Variants in TMEM63A observed in about 807,000 individuals in gnomAD.
The protein encoded by TMEM63A is mechanosensitive cation channel TMEM63A.
A neutral mutation model predicts 100.6 loss-of-function variants in TMEM63A; 76 were observed. The ratio of observed to expected loss-of-function variants is 0.76; its 90% CI spans 0.63 to 0.91. The LOEUF (loss-of-function observed/expected upper bound fraction) is 0.91. Ranked by LOEUF, TMEM63A falls within the 40% of genes least tolerant of loss-of-function variation. TMEM63A has a pLI of 0.00. For synonymous variants in TMEM63A, 401 were observed against 401.1 expected (o/e 1.00, Z 0.00); for missense variants, 876 against 1,008.8 (o/e 0.87, Z 1.78).
At chr1:225,844,216 AG>A (rs1291094371), downstream of TMEM63A, among the ~76,000 whole-genome samples, 9 of 149,510 alleles carry the variant, frequency 6.0e-5, no homozygotes, top group Admixed American at 5.3e-4. Context: ...GAGGGGAGGG[AG>A]GAGAGGTCAG....
intron 1 of TMEM63A, among the ~76,000 whole-genome samples, chr1:225,879,914 C>G (rs1671005294): frequency 1.3e-5 from 2 of 152,204 alleles, no homozygotes; most frequent in Admixed American, 6.5e-5. Flanking sequence ...AAAATGCTCA[C>G]AGAGAGAGCA....
Position 225,867,067 on chromosome 1 carries a change from T to C in TMEM63A, c.566+45A>G. Reference sequence around the variant, plus strand: ...CCCGGGCTCCTGACCTGCCTTCTCCTTGATCTCACCCATCAGCACCTATCC... The same window carrying C: ...CCCGGGCTCCTGACCTGCCTTCTCCCTGATCTCACCCATCAGCACCTATCC... On this transcript the variant is annotated intron_variant, in intron 8 of 24. Transcript: ENST00000366835. This position sits in a 1 kb window ranked among gnomAD's most constrained non-coding sequence, Gnocchi z 4.6. 7 of 1,610,840 alleles carry C rather than the reference T, an allele frequency of 4.3e-6. No homozygotes were observed. The highest frequency in any genetic ancestry group is 5.9e-6 in the Non-Finnish European group (7 of 1,177,004).
chr1:225,858,356 G>A (rs958878262), intron 15 of TMEM63A, among the ~76,000 whole-genome samples: 40 of 128,826 alleles, frequency 3.1e-4, no homozygotes, highest in African/African-American at 1.2e-4. Context: ...ATGGAGTTTC[G>A]CTCTTGTCGC....
At chr1:225,869,669 T>TTCTTTTC (rs796211870) in intron 6 of TMEM63A, among the ~76,000 whole-genome samples, 2 of 135,754 alleles carry the variant, frequency 1.5e-5, no homozygotes, top group African/African-American at 2.8e-5. Context: ...TTCTTTTCTT[T>TTCTTTTC]TTTTTTTTTT....
intron 9 of TMEM63A, chr1:225,866,327 A>G (rs1368884361): frequency 5.7e-6 from 3 of 526,242 alleles, no homozygotes; most frequent in Admixed American, 3.2e-5. Flanking sequence ...GCAAAGAGAA[A>G]GGGCTGCTCT....
intron 1 of TMEM63A, among the ~76,000 whole-genome samples, chr1:225,880,114 T>C (rs1295544453): frequency 2.0e-5 from 3 of 152,148 alleles, no homozygotes; most frequent in Non-Finnish European, 4.4e-5. Context: ...TTGACAAAGT[T>C]TGATATGAAC....
intron 6 of TMEM63A, among the ~76,000 whole-genome samples, chr1:225,868,314 G>A (rs374527445): frequency 1.3e-5 from 2 of 152,070 alleles, no homozygotes; most frequent in East Asian, 1.9e-4. Context: ...CCCAAGTTAC[G>A]TGTGTGGGAA....
intron 3 of TMEM63A, 37 bp from the exon 4 acceptor site, chr1:225,874,404 G>A: frequency 1.3e-6 from 2 of 1,582,216 alleles, no homozygotes; most frequent in South Asian, 1.1e-5. Flanking sequence ...AAGCATATTG[G>A]ATGGCTTCTC....
At chr1:225,842,744 G>A (rs1668536009), downstream of TMEM63A, among the ~76,000 whole-genome samples, 1 of 152,230 alleles carries the variant, frequency 6.6e-6, no homozygotes. Context: ...CCCCTCTGGG[G>A]ATTAGGGAGC....
At chr1:225,878,921 CACGAAGCACAG>C (rs1228567769) in intron 2 of TMEM63A, among the ~76,000 whole-genome samples, 1 of 143,064 alleles carries the variant, frequency 7.0e-6, no homozygotes, top group Non-Finnish European at 1.5e-5. Context: ...CACACACACA[CACGAAGCACAG>C]GAAGCATGAA....
Position 225,848,698 on chromosome 1 carries a change from G to C in TMEM63A, c.2188-144C>G. 5.2e-6 allele frequency: 5 copies of C among 958,180 alleles called. No homozygotes were observed. In the South Asian group the frequency reaches 7.7e-5, roughly 15 times the overall value. 59.4% of individuals were successfully genotyped at this position (958,180 alleles called of 1,614,324 possible). On this transcript the variant is annotated intron_variant, in intron 22 of 24. Transcript: ENST00000366835. ...CCAGCAGCCCGAGAGAGGATGGGGT[G>C]GGGGAGTGCAGGGATGAGGGGAGGA...
intron 1 of TMEM63A, among the ~76,000 whole-genome samples, chr1:225,879,997 G>A (rs1671010518): frequency 6.7e-6 from 1 of 148,570 alleles, no homozygotes; most frequent in Non-Finnish European, 1.5e-5. Context: ...GCAGAGGAGA[G>A]AGGCCTCTGC....
chr1:225,879,525 T>C (rs576026147), intron 1 of TMEM63A, 115 bp from the exon 2 acceptor site: 2 of 152,768 alleles, frequency 1.3e-5, no homozygotes, highest in East Asian at 1.9e-4. Context: ...TATGGACCTT[T>C]AGGTTCTGCC....
At chr1:225,858,168 A>C (rs866856633) in intron 15 of TMEM63A, among the ~76,000 whole-genome samples, 7 of 152,338 alleles carry the variant, frequency 4.6e-5, no homozygotes, top group African/African-American at 1.7e-4. Context: ...ATTTAAAAAG[A>C]AAAATAATCT....
downstream of TMEM63A, among the ~76,000 whole-genome samples, chr1:225,841,626 G>A (rs536993782): frequency 8.8e-5 from 9 of 101,810 alleles, no homozygotes; most frequent in Admixed American, 5.5e-4. Flanking sequence ...TTTTGAGACA[G>A]AGTCTTGCTC....
At chr1:225,848,384 T>A in intron 23 of TMEM63A, 108 bp downstream of exon 23, 1 of 1,195,840 alleles carries the variant, frequency 8.4e-7, no homozygotes, top group Non-Finnish European at 1.2e-6. Context: ...TGCCATGTGA[T>A]CTTAGCAAGA....
rs766346141 is a variant in TMEM63A, at chr1:225,848,960, G to C, written c.2124C>G (p.Ile708Met). The change falls in exon 22 of 25, where the codon ATC becomes ATG. Residue 708 changes from isoleucine to methionine, a missense_variant. By Grantham distance (10) the Ile-to-Met change is conservative. Coordinates refer to ENST00000366835, the MANE Select transcript of TMEM63A (RefSeq NM_014698.3). ...LFTFLVLLLT[I>M]LVCLAHTCFG... Reference sequence around the variant, plus strand: ...AGCAGGTGTGAGCCAGGCAGACCAGGATGGTGAGCAGCAGCACCAGGAAGG... The same window carrying C: ...AGCAGGTGTGAGCCAGGCAGACCAGCATGGTGAGCAGCAGCACCAGGAAGG... 6.3e-7 allele frequency: 1 copy of C among 1,588,546 alleles called. No individual in the cohort carries two copies. Among genetic ancestry groups the C allele is most frequent in the Admixed American group, 1.7e-5 (1 of 57,648 alleles).
chr1:225,854,168 G>A lies in TMEM63A; in HGVS notation c.1635-377C>T, dbSNP rs146130713. Among the ~76,000 whole-genome samples, 7 of 152,250 alleles carry A rather than the reference G, an allele frequency of 4.6e-5. No homozygotes were observed. In the East Asian group the frequency reaches 1.4e-3, roughly 29 times the overall value. On this transcript the variant is annotated intron_variant, in intron 18 of 24. Coordinates refer to ENST00000366835, the MANE Select transcript of TMEM63A (RefSeq NM_014698.3). ...TGCAGAAATGTGAAGAGGTGAAGGA[G>A]CAAGTCATCCCCAAACCTGGGAAGA...
At chr1:225,861,957 GC>G in intron 13 of TMEM63A, 2 of 556,572 alleles carry the variant, frequency 3.6e-6, no homozygotes, top group Non-Finnish European at 6.4e-6. Context: ...CAGCAGTGGG[GC>G]CAGGCCACAT....
Sources: gnomAD v4.1 joint callset for allele counts (sites outside exome capture counted in the v4.1 genomes callset) on GRCh38, gnomAD v4.1.1 for gene constraint, Gnocchi (gnomAD v3.1) non-coding constraint, MANE v1.5 for transcripts, NCBI Gene and HGNC (gene_info 2026-07-23, HGNC 2026-07-21) for gene names.